Variants in CD96 observed in about 807,000 individuals in gnomAD.
CD96 encodes the protein CD96 molecule, also known as T-cell surface protein tactile.
In CD96, 70 loss-of-function variants were observed where a neutral mutation model predicts 71.3. The ratio of observed to expected loss-of-function variants is 0.98; its 90% confidence interval spans 0.81 to 1.20. The LOEUF is 1.20. Ranked by LOEUF, CD96 falls within the 50% of genes most tolerant of loss-of-function variation. The pLI is 0.00. For missense variants in CD96, 742 were observed against 677.5 expected, an observed-to-expected ratio of 1.10 and a Z score of -1.06; for synonymous variants, 248 against 233.0, an observed-to-expected ratio of 1.06 and a Z score of -0.59.
chr3:111,610,009 T>G (rs1267487710), intron 8 of CD96, among the ~76,000 whole-genome samples: 1 of 152,172 alleles, frequency 6.6e-6, no homozygotes, highest in African/African-American at 2.4e-5. Context: ...AAAGAATTAT[T>G]TGGTTCAAAA....
intron 2 of CD96, among the ~76,000 whole-genome samples, chr3:111,563,010 G>A (rs1456555537): frequency 6.6e-6 from 1 of 152,194 alleles, no homozygotes; most frequent in Non-Finnish European, 1.5e-5. Context: ...TTGACATCTG[G>A]TGAGGGCCTG....
At chr3:111,586,570 T>A (rs1327318446) in intron 5 of CD96, among the ~76,000 whole-genome samples, 6 of 152,172 alleles carry the variant, frequency 3.9e-5, no homozygotes, top group Admixed American at 2.0e-4. Flanking sequence ...GGAAAAGAGT[T>A]TAATTGGACT....
At chr3:111,643,195 T>C (rs1400561012) in intron 12 of CD96, among the ~76,000 whole-genome samples, 1 of 151,192 alleles carries the variant, frequency 6.6e-6, no homozygotes, top group African/African-American at 2.4e-5. Flanking sequence ...AGCCGATAAA[T>C]GTGATACACC....
intron 2 of CD96, among the ~76,000 whole-genome samples, chr3:111,553,649 T>A (rs1934841607): frequency 6.6e-6 from 1 of 151,938 alleles, no homozygotes; most frequent in African/African-American, 2.4e-5. Flanking sequence ...ACTTATTATT[T>A]ATTTGATGTA....
At chr3:111,574,754 T>A (rs1052367314) in intron 3 of CD96, among the ~76,000 whole-genome samples, 3 of 151,834 alleles carry the variant, frequency 2.0e-5, no homozygotes, top group Non-Finnish European at 4.4e-5. Context: ...AAAAAATCTA[T>A]TTAAAAATTA....
chr3:111,577,578 T>C lies in CD96; in HGVS notation c.544-1449T>C, dbSNP rs1303913560. On this transcript the variant is annotated intron_variant, in intron 3 of 13. Transcript: ENST00000352690. ...TGTAAATTGCTGCAGGAAAAAGAATTCAGCAGAGTATGATTATTTGCAGGC... is the reference window on the plus strand; with the variant it reads ...TGTAAATTGCTGCAGGAAAAAGAATCCAGCAGAGTATGATTATTTGCAGGC... 2.8e-6 allele frequency: 4 copies of C among 1,414,510 alleles called. No homozygotes were observed. The East Asian group carries it at 6.8e-5, about 24-fold the overall frequency. The allele number at this position is 1,414,510 out of a possible 1,614,324, so 87.6% of individuals were successfully genotyped here. A position where few individuals can be genotyped will look rare whatever the true frequency, so the allele number is the denominator to read the frequency against.
chr3:111,649,624 A>ACC lies in CD96; in HGVS notation c.1602-73_1602-72insCC, dbSNP rs1939988280. 120 of 915,422 alleles carry ACC rather than the reference A, an allele frequency of 1.3e-4. No homozygotes were observed. The South Asian group carries it at 1.5e-3, about 11-fold the overall frequency. 56.7% of individuals were successfully genotyped at this position (915,422 alleles called of 1,614,324 possible). ...ATCTGTGTTCTCCTTTAAAGAAACA[A>ACC]CACATGTCTGTGTGTGTGTGTGCAT... On this transcript the variant is annotated intron_variant, in intron 13 of 13. Coordinates refer to ENST00000352690, the MANE Select transcript of CD96 (RefSeq NM_005816.5).
chr3:111,644,424 C>T (rs1295433973), intron 12 of CD96, among the ~76,000 whole-genome samples: 3 of 151,888 alleles, frequency 2.0e-5, no homozygotes, highest in Admixed American at 2.0e-4. Context: ...GACCAAGAAC[C>T]CAAAAAGAAA....
At chr3:111,554,227 G>A (rs910765783) in intron 2 of CD96, among the ~76,000 whole-genome samples, 1 of 151,712 alleles carries the variant, frequency 6.6e-6, no homozygotes, top group Non-Finnish European at 1.5e-5. Context: ...ATTCAATTAG[G>A]TATTCACCTG....
At chr3:111,599,079 C>T (rs1937380794) in intron 6 of CD96, among the ~76,000 whole-genome samples, 1 of 152,042 alleles carries the variant, frequency 6.6e-6, no homozygotes, top group Non-Finnish European at 1.5e-5. Flanking sequence ...CGCCATTCTC[C>T]TGCCTCAGCC....
chr3:111,596,488 A>G (rs1037923665), intron 5 of CD96, among the ~76,000 whole-genome samples: 1 of 152,174 alleles, frequency 6.6e-6, no homozygotes, highest in African/African-American at 2.4e-5. Flanking sequence ...TCAGTGAGCC[A>G]GTTGCCTTCG....
intron 8 of CD96, among the ~76,000 whole-genome samples, chr3:111,608,199 T>C (rs1249405611): frequency 7.0e-6 from 1 of 142,522 alleles, no homozygotes. Flanking sequence ...CCTCAGCACA[T>C]GGTCTTCTCT....
intron 2 of CD96, among the ~76,000 whole-genome samples, chr3:111,547,989 T>A (rs1224396559): frequency 6.6e-6 from 1 of 152,168 alleles, no homozygotes; most frequent in Non-Finnish European, 1.5e-5. Flanking sequence ...CAATAGCATA[T>A]TTTCTTTCTA....
intron 8 of CD96, among the ~76,000 whole-genome samples, chr3:111,617,331 C>G (rs1379978882): frequency 6.6e-6 from 1 of 152,200 alleles, no homozygotes; most frequent in Non-Finnish European, 1.5e-5. Context: ...CAAGTGAAGT[C>G]CATGGATATG....
At chr3:111,665,549 A>C (rs1350458097) in exon 15 of CD96, 1 of 152,134 alleles carries the variant, frequency 6.6e-6, no homozygotes, top group Non-Finnish European at 1.5e-5. Context: ...ATCCACCAAA[A>C]CTTCAATCAA....
At chr3:111,594,786 A>G (rs1937177406) in intron 5 of CD96, 1 of 167,294 alleles carries the variant, frequency 6.0e-6, no homozygotes, top group South Asian at 2.1e-4. Context: ...CTGGTGCAGG[A>G]GACAATCTTG....
downstream of CD96, among the ~76,000 whole-genome samples, chr3:111,652,631 C>T (rs1940131730): frequency 6.6e-6 from 1 of 152,054 alleles, no homozygotes; most frequent in Non-Finnish European, 1.5e-5. Context: ...AAGTTCTGGT[C>T]AGCATTTGCA....
At chr3:111,577,387 G>A in intron 3 of CD96, 1 of 801,816 alleles carries the variant, frequency 1.2e-6, no homozygotes, top group Non-Finnish European at 2.3e-6. Context: ...CCAGTGCTGA[G>A]TGACATGCTC....
intron 10 of CD96, among the ~76,000 whole-genome samples, chr3:111,635,853 G>A (rs1006852148): frequency 6.6e-6 from 1 of 152,104 alleles, no homozygotes; most frequent in Non-Finnish European, 1.5e-5. Flanking sequence ...AGTAAGAAAG[G>A]AGTCACCATA....
Sources: gnomAD v4.1 joint callset for allele counts (sites outside exome capture counted in the v4.1 genomes callset) on GRCh38, gnomAD v4.1.1 for gene constraint, MANE v1.5 for transcripts, NCBI Gene and HGNC (gene_info 2026-07-23, HGNC 2026-07-21) for gene names.